Variants in LRRTM4 observed in about 807,000 individuals in gnomAD.
LRRTM4 encodes leucine rich repeat transmembrane neuronal 4, also known as leucine-rich repeat transmembrane neuronal protein 4.
LRRTM4 carries 25 observed loss-of-function variants against 47.6 expected under a neutral mutation model. That is an observed-to-expected ratio of 0.53 (90% CI 0.38 to 0.73). The LOEUF is 0.73. Ranked by LOEUF, LRRTM4 falls within the 30% of genes least tolerant of loss-of-function variation. The pLI is 0.00. For synonymous variants in LRRTM4, 311 were observed against 269.5 expected (o/e 1.15, Z -1.51); for missense variants, 638 against 713.4 (o/e 0.89, Z 1.20).
chr2:76,909,393 A>T (rs1458298731), intron 3 of LRRTM4, among the ~76,000 whole-genome samples: 1 of 152,174 alleles, frequency 6.6e-6, no homozygotes, highest in Non-Finnish European at 1.5e-5. Flanking sequence ...TAAAAACCCT[A>T]GAAGAAAACC....
At chr2:77,347,671 GTCT>G (rs1330444847) in intron 3 of LRRTM4, among the ~76,000 whole-genome samples, 2 of 151,778 alleles carry the variant, frequency 1.3e-5, no homozygotes, top group African/African-American at 2.4e-5. Context: ...AAATATACAA[GTCT>G]TCATTTTTCA....
intron 3 of LRRTM4, among the ~76,000 whole-genome samples, chr2:77,158,022 T>C (rs1672607764): frequency 6.6e-6 from 1 of 152,052 alleles, no homozygotes; most frequent in South Asian, 2.1e-4. Flanking sequence ...TCTGACTAAA[T>C]GATTGTGTCT....
intron 3 of LRRTM4, among the ~76,000 whole-genome samples, chr2:77,322,016 AG>A (rs1677807946): frequency 6.6e-6 from 1 of 152,178 alleles, no homozygotes. Flanking sequence ...GGAGGGTAAA[AG>A]GTTTTTACTT....
At chr2:77,172,606 A>C (rs1030957) in intron 3 of LRRTM4, among the ~76,000 whole-genome samples, 1 of 151,476 alleles carries the variant, frequency 6.6e-6, no homozygotes, top group African/African-American at 2.4e-5. Context: ...AACATAAAAA[A>C]AAAAATAAAA....
chr2:76,802,001 C>A (rs1419617782), intron 3 of LRRTM4, among the ~76,000 whole-genome samples: 3 of 152,014 alleles, frequency 2.0e-5, no homozygotes, highest in Admixed American at 2.0e-4. Flanking sequence ...TATGGCAACC[C>A]CATTGCTAAC....
At chr2:77,183,826 G>A (rs934111350) in intron 3 of LRRTM4, among the ~76,000 whole-genome samples, 2 of 152,030 alleles carry the variant, frequency 1.3e-5, no homozygotes, top group South Asian at 2.1e-4. Flanking sequence ...GCAACCTATT[G>A]CAAGGACAAA....
At chr2:76,779,907 T>A (rs918309178) in intron 3 of LRRTM4, among the ~76,000 whole-genome samples, 1 of 151,994 alleles carries the variant, frequency 6.6e-6, no homozygotes, top group African/African-American at 2.4e-5. Flanking sequence ...TACCGGTTGT[T>A]CCTTTCCATG....
chr2:76,896,429 T>C (rs574286451), intron 3 of LRRTM4, among the ~76,000 whole-genome samples: 2 of 152,156 alleles, frequency 1.3e-5, no homozygotes, highest in Non-Finnish European at 2.9e-5. Flanking sequence ...TTGACCCTGA[T>C]CCAGAGTACT....
chr2:77,508,219 T>C (rs1452831127), intron 3 of LRRTM4, among the ~76,000 whole-genome samples: 1 of 152,148 alleles, frequency 6.6e-6, no homozygotes, highest in Non-Finnish European at 1.5e-5. Context: ...ATAACTATTT[T>C]CTAAGGTGAC....
intron 3 of LRRTM4, among the ~76,000 whole-genome samples, chr2:77,299,169 G>T (rs1677054524): frequency 6.6e-6 from 1 of 151,660 alleles, no homozygotes; most frequent in Admixed American, 6.6e-5. Flanking sequence ...ATGGTCCCTC[G>T]CAACAATGCA....
intron 3 of LRRTM4, among the ~76,000 whole-genome samples, chr2:76,843,908 C>CTTTTTTTTT (rs538704879): frequency 2.1e-5 from 3 of 145,374 alleles, no homozygotes; most frequent in South Asian, 4.3e-4. Context: ...TTTCTTTTTT[C>CTTTTTTTTT]ATTTTTTTTT....
chr2:76,822,143 G>A (rs4852419), intron 3 of LRRTM4, among the ~76,000 whole-genome samples: 50,253 of 151,182 alleles, frequency 0.33, 8,994 homozygotes, highest in East Asian at 0.62. Context: ...ATTTACTCAA[G>A]AAAATCCATT....
chr2:77,362,971 C>T (rs1672298502), intron 3 of LRRTM4, among the ~76,000 whole-genome samples: 1 of 152,082 alleles, frequency 6.6e-6, no homozygotes, highest in Non-Finnish European at 1.5e-5. Context: ...TTAACCATGA[C>T]TCTTTATAAA....
chr2:77,225,889 C>T (rs1456290077), intron 3 of LRRTM4, among the ~76,000 whole-genome samples: 1 of 151,714 alleles, frequency 6.6e-6, no homozygotes, highest in East Asian at 1.9e-4. Flanking sequence ...TGTTATTTTT[C>T]TACAAAGATG....
intron 3 of LRRTM4, among the ~76,000 whole-genome samples, chr2:76,866,440 G>A (rs1216104353): frequency 2.0e-5 from 3 of 152,098 alleles, no homozygotes; most frequent in African/African-American, 7.2e-5. Flanking sequence ...GACTCGGCAA[G>A]GAGCATTTGG....
intron 3 of LRRTM4, among the ~76,000 whole-genome samples, chr2:77,292,909 C>A (rs1354388263): frequency 6.6e-6 from 1 of 151,432 alleles, no homozygotes; most frequent in Non-Finnish European, 1.5e-5. Flanking sequence ...TCGTTAATAG[C>A]AGAATTAGAA....
chr2:76,848,187 T>G (rs529521518), intron 3 of LRRTM4, among the ~76,000 whole-genome samples: 34 of 152,264 alleles, frequency 2.2e-4, no homozygotes, highest in Non-Finnish European at 4.4e-4. Context: ...TTTATTACTG[T>G]GTATTGATGT....
chr2:76,793,959 T>A (rs184464789), intron 3 of LRRTM4, among the ~76,000 whole-genome samples: 1 of 152,228 alleles, frequency 6.6e-6, no homozygotes, highest in African/African-American at 2.4e-5. Flanking sequence ...AAAATACTGG[T>A]GCAACAATGT....
At chr2:76,777,566 T>C (rs1252165559) in intron 3 of LRRTM4, among the ~76,000 whole-genome samples, 5 of 142,184 alleles carry the variant, frequency 3.5e-5, no homozygotes, top group South Asian at 5.0e-4. Flanking sequence ...TGTTTGTCTG[T>C]TGTTGGTGTA....
Sources: gnomAD v4.1 joint callset for allele counts (sites outside exome capture counted in the v4.1 genomes callset) on GRCh38, gnomAD v4.1.1 for gene constraint, MANE v1.5 for transcripts, NCBI Gene and HGNC (gene_info 2026-07-23, HGNC 2026-07-21) for gene names.